The following SESN1 variants were observed in gnomAD, a reference collection of about 807,000 sequenced individuals.
The protein encoded by SESN1 is sestrin 1.
In SESN1, 30 loss-of-function variants were observed where a neutral mutation model predicts 59.3. The observed-to-expected ratio is 0.51, with a 90% CI of 0.38 to 0.69. The LOEUF is 0.69. Among genes scored for constraint, SESN1 ranks in the 30% least tolerant of loss-of-function variants. SESN1 has a pLI of 0.00. For synonymous variants in SESN1, 197 were observed against 219.9 expected, an observed-to-expected ratio of 0.90 and a Z score of 0.92; for missense variants, 566 against 673.0, an observed-to-expected ratio of 0.84 and a Z score of 1.76.
At position 109,019,398 on chromosome 6, in the gene SESN1, CTCATTAATG is replaced by C. The variant is rs1425550942; in HGVS notation, c.280-17064_280-17056del. On this transcript the variant is annotated intron_variant, in intron 1 of 9. Coordinates refer to ENST00000436639, the MANE Select transcript of SESN1 (RefSeq NM_014454.3). ...GGGGAATCTAGTTCAAAGTCTTATT[CTCATTAATG>C]CCAAATAGAGCCTTAAAGAGAAAAA... Among the ~76,000 whole-genome samples the C allele has an allele frequency of 3.3e-5, 5 of 152,334 alleles. No homozygotes were observed. The East Asian group carries it at 9.6e-4, about 29-fold the overall frequency.
chr6:109,092,991 G>T (rs1026991547), intron 1 of SESN1, among the ~76,000 whole-genome samples: 1 of 152,108 alleles, frequency 6.6e-6, no homozygotes, highest in Admixed American at 6.6e-5. Context: ...CACGTGGATT[G>T]AGAAATGTAA....
At chr6:109,031,989 A>G (rs1326180084) in intron 1 of SESN1, among the ~76,000 whole-genome samples, 4 of 152,200 alleles carry the variant, frequency 2.6e-5, no homozygotes. Context: ...AATATTGTAA[A>G]TAATTTTGGC....
intron 1 of SESN1, among the ~76,000 whole-genome samples, chr6:109,036,626 A>G (rs12202145): frequency 0.1 from 15,206 of 152,214 alleles, 921 homozygotes; most frequent in Middle Eastern, 0.19. Flanking sequence ...TATGATAAAA[A>G]AAATTTTTTT....
intron 4 of SESN1, 139 bp from the exon 5 acceptor site, chr6:108,998,894 A>G (rs929334557): frequency 9.6e-7 from 1 of 1,039,470 alleles, no homozygotes; most frequent in African/African-American, 1.6e-5. Context: ...AAACATGTAG[A>G]ACCCAGAATT....
chr6:109,076,366 G>T (rs1350853448), intron 1 of SESN1, among the ~76,000 whole-genome samples: 1 of 152,150 alleles, frequency 6.6e-6, no homozygotes, highest in Non-Finnish European at 1.5e-5. Flanking sequence ...ATAAGTGTAT[G>T]AGTTTGAATG....
chr6:108,989,323 T>C (rs970270087), intron 8 of SESN1, among the ~76,000 whole-genome samples: 42 of 152,110 alleles, frequency 2.8e-4, no homozygotes, highest in African/African-American at 9.4e-4. Flanking sequence ...TGAAAACAGA[T>C]TTTGAGTATT....
chr6:109,006,459 C>T (rs1426666345), intron 1 of SESN1, among the ~76,000 whole-genome samples: 1 of 143,540 alleles, frequency 7.0e-6, no homozygotes, highest in Non-Finnish European at 1.5e-5. Context: ...ACCCCCTACC[C>T]CACGACAGGC....
chr6:108,992,323 C>G (rs1378512488), intron 7 of SESN1, among the ~76,000 whole-genome samples: 2 of 151,976 alleles, frequency 1.3e-5, no homozygotes, highest in East Asian at 3.9e-4. Flanking sequence ...CCCTTGTTGG[C>G]CAGGCTGGTC....
chr6:109,067,485 AC>A (rs1173858745), intron 1 of SESN1, among the ~76,000 whole-genome samples: 1 of 152,242 alleles, frequency 6.6e-6, no homozygotes, highest in African/African-American at 2.4e-5. Context: ...TTCAAAGAAA[AC>A]AAAAAAGGAA....
At position 109,093,444 on chromosome 6, in the gene SESN1, C is replaced by T. The variant is rs1393040376; in HGVS notation, c.279+351G>A. 2.6e-5 allele frequency among the ~76,000 whole-genome samples: 4 copies of T among 152,088 alleles called. No individual in the cohort carries two copies. The East Asian group carries it at 7.7e-4, about 29-fold the overall frequency. On this transcript the variant is annotated intron_variant, in intron 1 of 9. Coordinates refer to ENST00000436639, the MANE Select transcript of SESN1 (RefSeq NM_014454.3). ...GGCTGACTAGGAAACATTTAATATC[C>T]TTTATCATTTTAGAGGCTTTTAAAT...
intron 1 of SESN1, among the ~76,000 whole-genome samples, chr6:109,025,309 T>C (rs1780074423): frequency 6.6e-6 from 1 of 152,014 alleles, no homozygotes; most frequent in Non-Finnish European, 1.5e-5. Flanking sequence ...ATTACCTACC[T>C]GCTCTTAAAA....
rs111338573 is a variant in SESN1, at chr6:109,007,723, C to T, written c.280-5380G>A. On this transcript the variant is annotated intron_variant, in intron 1 of 9. Transcript: ENST00000436639. ...TGCCTACTATAGCAAAATGTACTAA[C>T]AATTATGTTAATATTGTCATTAATA... Among the ~76,000 whole-genome samples the T allele has an allele frequency of 4.4e-3, 611 of 139,934 alleles. 7 individuals are homozygous for T. Among genetic ancestry groups the T allele is most frequent in the African/African-American group, 0.015 (570 of 37,344 alleles). The allele number at this position is 139,934 out of a possible 152,430, so 91.8% of individuals were successfully genotyped here.
chr6:109,066,175 C>T (rs1780821018), intron 1 of SESN1, among the ~76,000 whole-genome samples: 1 of 152,074 alleles, frequency 6.6e-6, no homozygotes, highest in East Asian at 1.9e-4. Flanking sequence ...AATAACATGT[C>T]TGTAAACTAA....
intron 1 of SESN1, among the ~76,000 whole-genome samples, chr6:109,011,820 G>A (rs938455266): frequency 6.6e-6 from 1 of 151,372 alleles, no homozygotes; most frequent in Non-Finnish European, 1.5e-5. Context: ...GTAGAGATAG[G>A]GTCTCATTAT....
chr6:109,018,925 C>T (rs145652126), intron 1 of SESN1, among the ~76,000 whole-genome samples: 2 of 152,114 alleles, frequency 1.3e-5, no homozygotes, highest in East Asian at 3.8e-4. Context: ...CTGTGTGAAT[C>T]AGATTTTCTT....
intron 1 of SESN1, among the ~76,000 whole-genome samples, chr6:109,023,463 T>C (rs1257752309): frequency 1.3e-5 from 2 of 152,258 alleles, no homozygotes; most frequent in African/African-American, 4.8e-5. Context: ...GTTTTTTTGA[T>C]ACTTTTATAA....
At chr6:109,008,794 A>G (rs745471114) in intron 1 of SESN1, 34 of 985,482 alleles carry the variant, frequency 3.5e-5, no homozygotes, top group Non-Finnish European at 3.9e-5. Flanking sequence ...TTAATACGCA[A>G]GAGTAAACGC....
At position 109,094,204 on chromosome 6, in the gene SESN1, G is replaced by T; in HGVS notation, c.-131C>A. 1 of 1,016,774 alleles carries T rather than the reference G, an allele frequency of 9.8e-7. No individual in the cohort carries two copies. Among genetic ancestry groups the T allele is most frequent in the African/African-American group, 1.6e-5 (1 of 61,830 alleles). 63.0% of individuals were successfully genotyped at this position (1,016,774 alleles called of 1,614,324 possible). A position where few individuals can be genotyped will look rare whatever the true frequency, so the allele number is the denominator to read the frequency against. On this transcript the variant is annotated 5_prime_UTR_variant, in exon 1 of 10. Transcript: ENST00000436639. ...AAATCGTCATGAAAACACACATCTG[G>T]GTGACATTTGGAACCACTGGTGCCT...
intron 1 of SESN1, among the ~76,000 whole-genome samples, chr6:109,047,347 G>C (rs1206589596): frequency 6.4e-5 from 8 of 124,386 alleles, no homozygotes; most frequent in Non-Finnish European, 1.1e-4. Context: ...GGGAGGTGGG[G>C]GGGTCAGCCC....
Sources: allele counts gnomAD v4.1 joint callset (sites outside exome capture counted in the v4.1 genomes callset), GRCh38; gene constraint gnomAD v4.1.1; transcripts MANE v1.5; gene names NCBI Gene and HGNC (gene_info 2026-07-23, HGNC 2026-07-21).